The following NAV1 variants were observed in gnomAD, a reference collection of about 807,000 sequenced individuals.
The protein encoded by NAV1 is neuron navigator 1.
A neutral mutation model predicts 175.2 loss-of-function variants in NAV1; 18 were observed. The observed-to-expected ratio is 0.10, with a 90% confidence interval of 0.07 to 0.15. NAV1 has a LOEUF of 0.15. Among genes scored for constraint, NAV1 ranks in the 10% least tolerant of loss-of-function variants. The pLI, the probability that NAV1 is intolerant of heterozygous loss-of-function variation, is 1.00. For missense variants in NAV1, 1,731 were observed against 2,436.6 expected (o/e 0.71, Z 6.10); for synonymous variants, 897 against 978.7 (o/e 0.92, Z 1.56).
chr1:201,641,005 T>C (rs955458418), intron 2 of NAV1, among the ~76,000 whole-genome samples: 4 of 152,070 alleles, frequency 2.6e-5, no homozygotes, highest in Non-Finnish European at 4.4e-5. Flanking sequence ...GTGAACTGCG[T>C]GGGGAGAGTC....
intron 15 of NAV1, among the ~76,000 whole-genome samples, chr1:201,801,735 T>C (rs1677879467): frequency 6.6e-6 from 1 of 152,218 alleles, no homozygotes; most frequent in African/African-American, 2.4e-5. Flanking sequence ...TATGAATCTA[T>C]AATTATTTTA....
chr1:201,570,090 C>T (rs1004295101), intron 1 of NAV1, among the ~76,000 whole-genome samples: 1 of 152,174 alleles, frequency 6.6e-6, no homozygotes, highest in Non-Finnish European at 1.5e-5. Context: ...CCGGGGTGAG[C>T]GCTTCTCTGG....
intron 1 of NAV1, among the ~76,000 whole-genome samples, chr1:201,660,693 A>G (rs544000554): frequency 6.6e-6 from 1 of 152,350 alleles, no homozygotes; most frequent in African/African-American, 2.4e-5. Context: ...TTGAGCACTC[A>G]CTGTTTGCCA....
chr1:201,708,775 A>G (rs1300894489), intron 1 of NAV1, among the ~76,000 whole-genome samples: 4 of 152,164 alleles, frequency 2.6e-5, no homozygotes, highest in Admixed American at 1.3e-4. Flanking sequence ...TTTTGTCCCC[A>G]GGCCTGTCCC....
intron 2 of NAV1, among the ~76,000 whole-genome samples, chr1:201,593,856 G>T (rs1490781223): frequency 6.6e-6 from 1 of 152,172 alleles, no homozygotes; most frequent in East Asian, 1.9e-4. Flanking sequence ...TGCAGCTGCA[G>T]GGAGGATGGA....
chr1:201,621,263 G>A (rs1192715709), upstream of NAV1, among the ~76,000 whole-genome samples: 3 of 151,386 alleles, frequency 2.0e-5, no homozygotes, highest in African/African-American at 7.3e-5. Flanking sequence ...TATTGATTTG[G>A]TAGAGCTCCC....
At chr1:201,816,262 T>C (rs1158906568) in intron 28 of NAV1, among the ~76,000 whole-genome samples, 1 of 152,066 alleles carries the variant, frequency 6.6e-6, no homozygotes, top group East Asian at 1.9e-4. Flanking sequence ...TCCCAGCTAG[T>C]TGGGAGGCTG....
intron 1 of NAV1, among the ~76,000 whole-genome samples, chr1:201,628,949 T>C (rs1225850979): frequency 6.6e-6 from 1 of 152,148 alleles, no homozygotes; most frequent in East Asian, 1.9e-4. Flanking sequence ...AAAGCCTGTG[T>C]GCCCCCTGAG....
chr1:201,817,254 G>C (rs773975821), exon 29 of NAV1: 1 of 1,614,114 alleles, frequency 6.2e-7, no homozygotes, highest in Non-Finnish European at 8.5e-7. Context: ...GTCAAAGACA[G>C]CACCCCAAGT....
At chr1:201,682,757 C>G (rs1195669268) in intron 1 of NAV1, among the ~76,000 whole-genome samples, 1 of 151,786 alleles carries the variant, frequency 6.6e-6, no homozygotes, top group East Asian at 1.9e-4. Context: ...CCACTAAGTT[C>G]AAGTCCATGG....
chr1:201,575,732 T>G (rs1666675858), intron 1 of NAV1, among the ~76,000 whole-genome samples: 1 of 152,156 alleles, frequency 6.6e-6, no homozygotes, highest in South Asian at 2.1e-4. Context: ...AAGGACAGTT[T>G]CTTTGATAAA....
chr1:201,795,081 A>C, intron 15 of NAV1: 1 of 153,526 alleles, frequency 6.5e-6, no homozygotes, highest in Non-Finnish European at 1.5e-5. Flanking sequence ...GATGCCACAA[A>C]ATCTGTGATC....
chr1:201,823,501 A>C (rs2102853032), exon 30 of NAV1: 1 of 152,338 alleles, frequency 6.6e-6, no homozygotes, highest in African/African-American at 2.4e-5. Context: ...TACGGTGCTT[A>C]TCTCTGTCTT....
chr1:201,700,288 C>T (rs1443969880), intron 1 of NAV1, among the ~76,000 whole-genome samples: 3 of 152,186 alleles, frequency 2.0e-5, no homozygotes, highest in Non-Finnish European at 4.4e-5. Context: ...TATGAACAGA[C>T]ACTTCTCGAA....
chr1:201,574,871 C>A (rs1666650403), intron 1 of NAV1, among the ~76,000 whole-genome samples: 1 of 152,212 alleles, frequency 6.6e-6, no homozygotes, highest in African/African-American at 2.4e-5. Flanking sequence ...CCCCGCCACA[C>A]ATTGCTCGGC....
At chr1:201,716,075 CAG>C (rs996342915) in intron 2 of NAV1, among the ~76,000 whole-genome samples, 10 of 152,110 alleles carry the variant, frequency 6.6e-5, no homozygotes, top group African/African-American at 2.4e-4. Flanking sequence ...AATAACTAAA[CAG>C]GGGCAGGCCA....
chr1:201,604,349 C>T (rs962530842), intron 2 of NAV1, among the ~76,000 whole-genome samples: 1 of 152,192 alleles, frequency 6.6e-6, no homozygotes, highest in African/African-American at 2.4e-5. Context: ...AGCCACCGTG[C>T]CTGGCTACTA....
rs1436070696 is a variant in NAV1 at position 201,758,888 on chromosome 1, A to G, written c.1227-21533A>G. On this transcript the variant is annotated intron_variant, in intron 3 of 29. Transcript: ENST00000367296. Reference sequence around the variant, plus strand: ...GAGTCAGACAGATCTTGATATTACAATGGCTTTGTTTTCTTCTTACTAGCT... The same window carrying G: ...GAGTCAGACAGATCTTGATATTACAGTGGCTTTGTTTTCTTCTTACTAGCT... 5.3e-5 allele frequency among the ~76,000 whole-genome samples: 8 copies of G among 152,236 alleles called. No homozygotes were observed. The East Asian group carries it at 1.3e-3, about 26-fold the overall frequency.
intron 3 of NAV1, among the ~76,000 whole-genome samples, chr1:201,735,664 T>C (rs1673088736): frequency 6.6e-6 from 1 of 152,256 alleles, no homozygotes; most frequent in Non-Finnish European, 1.5e-5. Flanking sequence ...AAAGCAAGTA[T>C]AATAGTACCT....
Sources: gnomAD v4.1 joint callset for allele counts (sites outside exome capture counted in the v4.1 genomes callset) on GRCh38, gnomAD v4.1.1 for gene constraint, MANE v1.5 for transcripts, NCBI Gene and HGNC (gene_info 2026-07-23, HGNC 2026-07-21) for gene names.